Variants in TJP3 observed in about 807,000 individuals in gnomAD.
TJP3 encodes tight junction protein ZO-3.
Under a neutral mutation model 104.2 loss-of-function variants are expected in TJP3, and 85 were observed. The observed-to-expected ratio is 0.82, with a 90% CI of 0.68 to 0.98. The LOEUF is 0.98. TJP3 is among the 50% of genes least tolerant of loss of function. The probability of loss-of-function intolerance (pLI) is 0.00; values close to 1 mark genes in which losing one functional copy is unlikely to be tolerated. For synonymous variants in TJP3, 550 were observed against 550.6 expected (o/e 1.00, Z 0.02); for missense variants, 1,367 against 1,322.8 (o/e 1.03, Z -0.52).
At position 3,730,288 on chromosome 19, in the gene TJP3, G is replaced by T; in HGVS notation, c.262-67G>T. ...AGACTGGTGTCCCCCAGGGCCACCC[G>T]GGGGCTGAGCAGAGCCTCCCCCAGC... is the stretch of plus-strand genomic sequence containing the variant. On this transcript the variant is annotated intron_variant, in intron 4 of 20. Transcript: ENST00000541714. The surrounding 1 kb of genome is among the most constrained non-coding windows in gnomAD (Gnocchi z 7.3). The T allele has an allele frequency of 2.0e-6, 3 of 1,492,286 alleles. No individual in the cohort carries two copies. The highest frequency in any genetic ancestry group is 1.3e-5 in the South Asian group (1 of 77,118). The allele number at this position is 1,492,286 out of a possible 1,614,324, so 92.4% of individuals were successfully genotyped here.
intron 3 of TJP3, among the ~76,000 whole-genome samples, chr19:3,729,812 C>T (rs1463503617): frequency 6.6e-6 from 1 of 150,806 alleles, no homozygotes; most frequent in East Asian, 1.9e-4. Flanking sequence ...AGCTTCCACT[C>T]TATGATTATA....
chr19:3,750,290 C>T lies in TJP3; in HGVS notation c.2657+106C>T, dbSNP rs2145711819. 1.0e-5 allele frequency: 15 copies of T among 1,484,624 alleles called. No individual in the cohort carries two copies. In the South Asian group the frequency reaches 1.5e-4, roughly 15 times the overall value. The allele number at this position is 1,484,624 out of a possible 1,614,324, so 92.0% of individuals were successfully genotyped here. A position where few individuals can be genotyped will look rare whatever the true frequency, so the allele number is the denominator to read the frequency against. ...GCTATGCCTTCATGGTGCCCCTAGCCTAGTGGGGAAGACAGAGCCTGCCAG... is the reference window on the plus strand; with the variant it reads ...GCTATGCCTTCATGGTGCCCCTAGCTTAGTGGGGAAGACAGAGCCTGCCAG... On this transcript the variant is annotated intron_variant, in intron 20 of 20. Transcript: ENST00000541714.
chr19:3,750,026 A>C, intron 19 of TJP3, 112 bp from the exon 20 acceptor site: 2 of 1,351,336 alleles, frequency 1.5e-6, no homozygotes, highest in South Asian at 2.4e-5. Context: ...GGGGTTAGCA[A>C]GTGGGCAGCA....
rs745771049 is a variant in TJP3 at position 3,740,600 on chromosome 19, C to T, written c.1680C>T (p.Val560=). 1.7e-5 allele frequency: 26 copies of T among 1,548,468 alleles called. No homozygotes were observed. The highest frequency in any genetic ancestry group is 6.8e-5 in the African/African-American group (5 of 73,050). ...AAGCTGCCCAGAGGGCCGTGGGAGT[C>T]GGGCCCGGCTCCTCCGCGGGCTCCA... The part of the protein sequence containing the change: ...SLEAAQRAVG[V]GPGSSAGSNA... The change falls in exon 14 of 21, where the codon GTC becomes GTT. Residue 560 remains valine (V), a synonymous_variant. Coordinates refer to ENST00000541714, the MANE Select transcript of TJP3 (RefSeq NM_001267560.2).
intron 1 of TJP3, among the ~76,000 whole-genome samples, chr19:3,726,306 T>C (rs1420617406): frequency 6.6e-6 from 1 of 152,168 alleles, no homozygotes; most frequent in Non-Finnish European, 1.5e-5. Context: ...GACATGAAAA[T>C]AACAGAATCT....
At position 3,736,328 on chromosome 19, in the gene TJP3, C is replaced by CG; in HGVS notation, c.1284+12dup. On this transcript the variant is annotated splice_region_variant and intron_variant, in intron 11 of 20. Transcript: ENST00000541714. ...GGGAGATCAGATTCTGCAGGTGCTC[C>CG]GGGGGCGGCTGGCCAGCCCCACTGA... 6.6e-7 allele frequency: 1 copy of CG among 1,521,320 alleles called. No homozygotes were observed. The highest frequency in any genetic ancestry group is 1.3e-5 in the South Asian group (1 of 77,176). 94.2% of individuals were successfully genotyped at this position (1,521,320 alleles called of 1,614,324 possible).
chr19:3,748,089 G>C lies in TJP3; in HGVS notation c.2610+8G>C. ...GCTCATCAGGGGGCCCAGGTGCGTCGGACATGGGGGGCAGGCCTGGGAAGG... is the reference window on the plus strand; with the variant it reads ...GCTCATCAGGGGGCCCAGGTGCGTCCGACATGGGGGGCAGGCCTGGGAAGG... On this transcript the variant is annotated splice_region_variant and intron_variant, in intron 19 of 20. Transcript: ENST00000541714. 1.3e-6 allele frequency: 2 copies of C among 1,544,640 alleles called. No homozygotes were observed. The highest frequency in any genetic ancestry group is 1.7e-6 in the Non-Finnish European group (2 of 1,142,942).
In TJP3 at chr19:3,746,033, C is replaced by G; in HGVS notation, c.1962C>G (p.Ser654Arg). 6.2e-7 allele frequency: 1 copy of G among 1,609,080 alleles called. No individual in the cohort carries two copies. The highest frequency in any genetic ancestry group is 8.5e-7 in the Non-Finnish European group (1 of 1,177,570). ...EIAETVSRTDSPSKIIKLDTV... is the reference protein window; with the variant it reads ...EIAETVSRTDRPSKIIKLDTV... The stretch of plus-strand genomic sequence containing the variant: ...CAGAGACTGTGTCCAGGACCGACAG[C>G]CCCTCCAAGATCATCAAACTAGACA... Residue 654 changes from serine (S) to arginine (R), a missense_variant, in exon 16 of 21, where the codon AGC becomes AGG. Transcript: ENST00000541714. The surrounding 1 kb of genome is among the most constrained non-coding windows in gnomAD (Gnocchi z 4.1).
intron 15 of TJP3, among the ~76,000 whole-genome samples, chr19:3,744,354 A>AG (rs1882145534): frequency 6.6e-6 from 1 of 152,212 alleles, no homozygotes; most frequent in Non-Finnish European, 1.5e-5. Flanking sequence ...CCCTTGGAGA[A>AG]GACTCCAAAT....
intron 1 of TJP3, among the ~76,000 whole-genome samples, chr19:3,725,640 C>A (rs1051808055): frequency 4.8e-5 from 7 of 146,152 alleles, no homozygotes; most frequent in African/African-American, 1.8e-4. Context: ...TGCAGTGAGC[C>A]GAGACTACGC....
intron 15 of TJP3, among the ~76,000 whole-genome samples, chr19:3,744,675 C>A (rs200344219): frequency 0.012 from 1,369 of 112,178 alleles, 22 homozygotes; most frequent in South Asian, 0.032. Flanking sequence ...AAAAAAAAAA[C>A]AAAAACAATT....
rs1454063187 is a variant in TJP3 at position 3,748,854 on chromosome 19, T to TC, written c.2610+773_2610+774insC. Among the ~76,000 whole-genome samples the TC allele has an allele frequency of 9.1e-5, 10 of 109,706 alleles. No individual in the cohort carries two copies. The East Asian group carries it at 2.4e-3, about 27-fold the overall frequency. 72.0% of individuals were successfully genotyped at this position (109,706 alleles called of 152,430 possible). A position where few individuals can be genotyped will look rare whatever the true frequency, so the allele number is the denominator to read the frequency against. On this transcript the variant is annotated intron_variant, in intron 19 of 20. Transcript: ENST00000541714. ...GTGAGCCACTGCACCCGGCCTTTTT[T>TC]TTTTTTTTTTTTTTTTTTTTTTGAG...
At chr19:3,721,923 C>G in intron 1 of TJP3, 1 of 1,223,256 alleles carries the variant, frequency 8.2e-7, no homozygotes, top group Non-Finnish European at 1.0e-6. Context: ...GAGTAACCCT[C>G]CAAGGGTGGC....
intron 1 of TJP3, chr19:3,721,791 C>T: frequency 3.4e-6 from 2 of 587,672 alleles, no homozygotes; most frequent in Non-Finnish European, 5.0e-6. Context: ...CCTCAGCCCG[C>T]TGTGACTCTC....
chr19:3,738,527 T>A, intron 11 of TJP3, 28 bp from the exon 12 acceptor site: 3 of 1,600,668 alleles, frequency 1.9e-6, no homozygotes, highest in Non-Finnish European at 2.6e-6. Context: ...CCAGAGCTTT[T>A]TCTATAGCTG....
chr19:3,733,327 C>T (rs1055994501), intron 6 of TJP3, among the ~76,000 whole-genome samples: 7 of 152,326 alleles, frequency 4.6e-5, no homozygotes, highest in East Asian at 3.9e-4. Context: ...TGAGCCACCG[C>T]GCCCCACTCT....
rs370819422 is a variant in TJP3 at position 3,750,710 on chromosome 19, G to A, written c.*26G>A. 3.9e-5 allele frequency: 60 copies of A among 1,556,832 alleles called. No individual in the cohort carries two copies. The African/African-American group carries it at 5.3e-4, about 14-fold the overall frequency. ...CCTCTCGAAGGCTGCCAGCTGGTCC[G>A]TCCTCCTTCTCCCTCCCTGGGGCTG... On this transcript the variant is annotated 3_prime_UTR_variant, in exon 21 of 21. Coordinates refer to ENST00000541714, the MANE Select transcript of TJP3 (RefSeq NM_001267560.2).
At chr19:3,736,037 G>T in intron 10 of TJP3, 102 bp downstream of exon 10, 1 of 1,581,372 alleles carries the variant, frequency 6.3e-7, no homozygotes, top group Non-Finnish European at 8.7e-7. Flanking sequence ...TGTGTTGAGT[G>T]GGACCATTAA....
Position 3,750,134 on chromosome 19 carries a change from C to T in TJP3, c.2611-4C>T. ...TTGAAGCTCCTCTCTCCCTCTCCTC[C>T]AAGGTGGACAGCCGCCACCCCCAGG... On this transcript the variant is annotated splice_polypyrimidine_tract_variant and splice_region_variant and intron_variant, in intron 19 of 20. Coordinates refer to ENST00000541714, the MANE Select transcript of TJP3 (RefSeq NM_001267560.2). 1 of 1,614,108 alleles carries T rather than the reference C, an allele frequency of 6.2e-7. No individual in the cohort carries two copies. The highest frequency in any genetic ancestry group is 8.5e-7 in the Non-Finnish European group (1 of 1,180,012).
Sources: allele counts gnomAD v4.1 joint callset (sites outside exome capture counted in the v4.1 genomes callset), GRCh38; gene constraint gnomAD v4.1.1; non-coding constraint Gnocchi (gnomAD v3.1); transcripts MANE v1.5; gene names NCBI Gene and HGNC (gene_info 2026-07-23, HGNC 2026-07-21).